Variants in CADM2 observed in about 807,000 individuals in gnomAD.
CADM2 encodes the protein cell adhesion molecule 2, also known as immunoglobulin superfamily member 4D.
CADM2 carries 12 observed loss-of-function variants against 49.8 expected under a neutral mutation model. The observed-to-expected ratio is 0.24, with a 90% CI of 0.15 to 0.39. The LOEUF (loss-of-function observed/expected upper bound fraction) is 0.39. Ranked by LOEUF, CADM2 falls within the 10% of genes least tolerant of loss-of-function variation. The probability of loss-of-function intolerance (pLI) is 1.00; values close to 1 mark genes in which losing one functional copy is unlikely to be tolerated. For synonymous variants in CADM2, 214 were observed against 175.4 expected (o/e 1.22, Z -1.74); for missense variants, 378 against 492.3 (o/e 0.77, Z 2.20).
intron 2 of CADM2, among the ~76,000 whole-genome samples, chr3:85,768,657 T>C (rs2069807048): frequency 6.8e-6 from 1 of 147,418 alleles, no homozygotes. Flanking sequence ...ATCTACATGC[T>C]ACTGATGGAA....
chr3:85,826,675 G>A (rs1383859145), intron 3 of CADM2, among the ~76,000 whole-genome samples: 2 of 151,872 alleles, frequency 1.3e-5, no homozygotes, highest in East Asian at 3.9e-4. Context: ...TAACCATGGG[G>A]AATTTCTGGA....
chr3:85,785,162 G>T (rs1319251976), intron 2 of CADM2, among the ~76,000 whole-genome samples: 1 of 151,864 alleles, frequency 6.6e-6, no homozygotes, highest in Non-Finnish European at 1.5e-5. Context: ...ATTTACTTGG[G>T]TCTTTTTTCT....
At chr3:85,523,916 CA>C (rs1015423986) in intron 1 of CADM2, among the ~76,000 whole-genome samples, 15 of 151,720 alleles carry the variant, frequency 9.9e-5, no homozygotes, top group African/African-American at 3.6e-4. Flanking sequence ...TGTAGCCCAA[CA>C]AAAAAATAAA....
chr3:85,545,106 G>A (rs1337047142), intron 1 of CADM2, among the ~76,000 whole-genome samples: 1 of 152,170 alleles, frequency 6.6e-6, no homozygotes, highest in Non-Finnish European at 1.5e-5. Flanking sequence ...ACGGAAGAAA[G>A]CATGCTGATG....
At chr3:85,802,335 TA>T in intron 3 of CADM2, 139 bp downstream of exon 3, 11 of 721,306 alleles carry the variant, frequency 1.5e-5, no homozygotes, top group Non-Finnish European at 2.3e-5. Flanking sequence ...TGTTAAATAT[TA>T]AATACTTTAG....
intron 1 of CADM2, among the ~76,000 whole-genome samples, chr3:85,581,592 G>A (rs1259081482): frequency 1.3e-5 from 2 of 152,080 alleles, no homozygotes; most frequent in East Asian, 3.9e-4. Context: ...GCAAGTTTTT[G>A]TTAAACTACC....
chr3:85,767,720 T>C (rs1159954186), intron 2 of CADM2, among the ~76,000 whole-genome samples: 1 of 152,004 alleles, frequency 6.6e-6, no homozygotes, highest in Non-Finnish European at 1.5e-5. Flanking sequence ...CAAAATTCCA[T>C]ATGCACCAAA....
intron 7 of CADM2, among the ~76,000 whole-genome samples, chr3:85,959,422 G>C (rs1724539803): frequency 6.6e-6 from 1 of 151,834 alleles, no homozygotes; most frequent in South Asian, 2.1e-4. Context: ...CAGCTCCCTG[G>C]AGGTTGAAAG....
intron 1 of CADM2, among the ~76,000 whole-genome samples, chr3:85,035,233 C>T (rs559163882): frequency 6.6e-6 from 1 of 152,180 alleles, no homozygotes; most frequent in African/African-American, 2.4e-5. Flanking sequence ...TGATAATTGT[C>T]TATTCATATT....
intron 1 of CADM2, among the ~76,000 whole-genome samples, chr3:85,299,368 C>G (rs1396870449): frequency 6.6e-6 from 1 of 151,954 alleles, no homozygotes. Context: ...TTTTTAGGAT[C>G]AGATGGCATC....
intron 8 of CADM2, among the ~76,000 whole-genome samples, chr3:86,031,352 A>G (rs558046323): frequency 5.9e-5 from 9 of 151,918 alleles, no homozygotes; most frequent in Admixed American, 3.3e-4. Context: ...AAACATTAAG[A>G]TATGAACCAT....
intron 1 of CADM2, among the ~76,000 whole-genome samples, chr3:85,562,907 C>A (rs1002160962): frequency 1.2e-4 from 19 of 152,116 alleles, no homozygotes; most frequent in Admixed American, 3.3e-4. Context: ...TTAATAGCAT[C>A]TGTTCCAGGA....
At chr3:85,077,372 A>G (rs1235789111) in intron 1 of CADM2, among the ~76,000 whole-genome samples, 1 of 152,078 alleles carries the variant, frequency 6.6e-6, no homozygotes, top group Non-Finnish European at 1.5e-5. Context: ...TTGTCATAAA[A>G]TACCTTTACA....
chr3:85,614,868 G>A (rs1269543467), intron 1 of CADM2, among the ~76,000 whole-genome samples: 1 of 151,882 alleles, frequency 6.6e-6, no homozygotes. Context: ...TATTCAGACA[G>A]TGCATAACAG....
At chr3:85,295,246 A>G (rs2043926328) in intron 1 of CADM2, among the ~76,000 whole-genome samples, 2 of 152,112 alleles carry the variant, frequency 1.3e-5, no homozygotes, top group South Asian at 4.1e-4. Context: ...ATGAGATACC[A>G]TCTCACACCA....
chr3:85,612,135 T>C (rs767126061), intron 1 of CADM2, among the ~76,000 whole-genome samples: 10 of 151,924 alleles, frequency 6.6e-5, no homozygotes, highest in African/African-American at 9.7e-5. Flanking sequence ...ACAGTGTATA[T>C]TGATAAGTTT....
chr3:85,638,824 G>A (rs1287075276), intron 1 of CADM2, among the ~76,000 whole-genome samples: 1 of 151,942 alleles, frequency 6.6e-6, no homozygotes, highest in Non-Finnish European at 1.5e-5. Context: ...AGGCATGCAT[G>A]TAAAAAGTAT....
At chr3:85,224,598 T>C (rs2042112371) in intron 1 of CADM2, among the ~76,000 whole-genome samples, 1 of 152,236 alleles carries the variant, frequency 6.6e-6, no homozygotes, top group Non-Finnish European at 1.5e-5. Flanking sequence ...AGAAGCTCTT[T>C]AGTTTAATTA....
intron 1 of CADM2, among the ~76,000 whole-genome samples, chr3:85,187,545 T>A (rs1198870924): frequency 6.6e-6 from 1 of 152,132 alleles, no homozygotes; most frequent in Non-Finnish European, 1.5e-5. Flanking sequence ...TGTTTCTTTA[T>A]CATTTAGTAA....
Sources: gnomAD v4.1 joint callset for allele counts (sites outside exome capture counted in the v4.1 genomes callset) on GRCh38, gnomAD v4.1.1 for gene constraint, MANE v1.5 for transcripts, NCBI Gene and HGNC (gene_info 2026-07-23, HGNC 2026-07-21) for gene names.